The following UBE3B variants were observed in gnomAD, a reference collection of about 807,000 sequenced individuals.
UBE3B encodes ubiquitin-protein ligase E3B.
Under a neutral mutation model 132.3 loss-of-function variants are expected in UBE3B, and 80 were observed. The ratio of observed to expected loss-of-function variants is 0.60; its 90% CI spans 0.50 to 0.73. The LOEUF is 0.73. UBE3B is among the 30% of genes least tolerant of loss of function. The pLI is 0.00. For missense variants in UBE3B, 1,196 were observed against 1,362.5 expected, an observed-to-expected ratio of 0.88 and a Z score of 1.92; for synonymous variants, 487 against 520.4, an observed-to-expected ratio of 0.94 and a Z score of 0.87.
chr12:109,534,004 G>T lies in UBE3B; in HGVS notation c.3015+446G>T. On this transcript the variant is annotated intron_variant, in intron 27 of 27. Transcript: ENST00000342494. The surrounding 1 kb of genome is among the most constrained non-coding windows in gnomAD (Gnocchi z 5.2). ...CCTCATTGGCCAAAGGAGAAGGAAA[G>T]CCTTCAGGGTTACGGAGCTCTGTGT... The T allele has an allele frequency of 1.5e-6, 2 of 1,296,520 alleles. No individual in the cohort carries two copies. Among genetic ancestry groups the T allele is most frequent in the Non-Finnish European group, 2.0e-6 (2 of 994,038 alleles). The allele number at this position is 1,296,520 out of a possible 1,614,324, so 80.3% of individuals were successfully genotyped here. A position where few individuals can be genotyped will look rare whatever the true frequency, so the allele number is the denominator to read the frequency against.
At chr12:109,539,534 C>T (rs1340354963), downstream of UBE3B, among the ~76,000 whole-genome samples, 3 of 152,230 alleles carry the variant, frequency 2.0e-5, no homozygotes, top group African/African-American at 4.8e-5. Flanking sequence ...CCTGCAGTTT[C>T]CTCTTCCATG....
At chr12:109,494,135 A>AT (rs1201918515) in intron 9 of UBE3B, among the ~76,000 whole-genome samples, 1 of 152,170 alleles carries the variant, frequency 6.6e-6, no homozygotes, top group African/African-American at 2.4e-5. Flanking sequence ...GCTTTTCTCC[A>AT]TTTTATAGAT....
chr12:109,509,370 G>C (rs893150292), intron 15 of UBE3B: 9 of 339,080 alleles, frequency 2.7e-5, no homozygotes, highest in Non-Finnish European at 4.3e-5. Flanking sequence ...CCGTCATCTA[G>C]GTTTTAAGCT....
chr12:109,530,582 G>A lies in UBE3B; in HGVS notation c.2846G>A (p.Ser949Asn). Reference sequence around the variant, plus strand: ...GTCTACTACGGTGGTTTCCATGGAAGTCACAGAGTCATCATCTGGCTCTGG... The same window carrying A: ...GTCTACTACGGTGGTTTCCATGGAAATCACAGAGTCATCATCTGGCTCTGG... Reference protein sequence around the residue: ...HTVYYGGFHGSHRVIIWLWDI... With the variant: ...HTVYYGGFHGNHRVIIWLWDI... Residue 949 changes from serine (S) to asparagine (N), a missense_variant, in exon 26 of 28, where the codon AGT (serine) becomes AAT (asparagine). Ser to Asn is a conservative substitution (Grantham distance 46, BLOSUM62 1). Coordinates refer to ENST00000342494, the MANE Select transcript of UBE3B (RefSeq NM_130466.4). 1 of 1,614,210 alleles carries A rather than the reference G, an allele frequency of 6.2e-7. No homozygotes were observed. The highest frequency in any genetic ancestry group is 1.1e-5 in the South Asian group (1 of 91,076).
chr12:109,518,570 T>C (rs868280706), intron 19 of UBE3B, among the ~76,000 whole-genome samples: 1 of 152,152 alleles, frequency 6.6e-6, no homozygotes, highest in African/African-American at 2.4e-5. Flanking sequence ...CTCCCTTGTC[T>C]CTAGAAATCC....
At position 109,477,890 on chromosome 12, in the gene UBE3B, C is replaced by A; in HGVS notation, c.-347C>A. ...GCTCTAGGGCACAGTCCCTGCCTGGCCAGGTCGGAGGAACAAGTGCTGGGA... is the reference window on the plus strand; with the variant it reads ...GCTCTAGGGCACAGTCCCTGCCTGGACAGGTCGGAGGAACAAGTGCTGGGA... On this transcript the variant is annotated 5_prime_UTR_variant, in exon 1 of 28. Coordinates refer to ENST00000342494, the MANE Select transcript of UBE3B (RefSeq NM_130466.4). 1 of 153,806 alleles carries A rather than the reference C, an allele frequency of 6.5e-6. No individual in the cohort carries two copies. Among genetic ancestry groups the A allele is most frequent in the Non-Finnish European group, 1.5e-5 (1 of 68,816 alleles). The allele number at this position is 153,806 out of a possible 1,614,324, so 9.5% of individuals were successfully genotyped here.
Position 109,524,445 on chromosome 12 carries a change from A to T in UBE3B, c.2510A>T (p.Asp837Val). The change falls in exon 23 of 28, where the codon GAT (aspartate) becomes GTT (valine). Residue 837 changes from aspartate to valine, a missense_variant. Transcript: ENST00000342494. ...CCTTCTCTGTTACATTAGCGCTATG[A>T]TGGGGACATCACTGACCTGGGCCTG... ...YKNLTSIKRY[D>V]GDITDLGLTL... 2 of 1,614,180 alleles carry T rather than the reference A, an allele frequency of 1.2e-6. No homozygotes were observed. Among genetic ancestry groups the T allele is most frequent in the Non-Finnish European group, 1.7e-6 (2 of 1,180,020 alleles).
chr12:109,490,058 C>G, intron 8 of UBE3B, 54 bp downstream of exon 8: 1 of 1,548,488 alleles, frequency 6.5e-7, no homozygotes, highest in Non-Finnish European at 8.9e-7. Flanking sequence ...AACACCTGCA[C>G]TTGGATTTTT....
chr12:109,520,283 C>G (rs1881543620), intron 19 of UBE3B: 1 of 152,186 alleles, frequency 6.6e-6, no homozygotes, highest in African/African-American at 2.4e-5. Flanking sequence ...CCTCAGCACC[C>G]CAAGTACTAG....
Position 109,516,469 on chromosome 12 carries a change from G to A in UBE3B, c.1957-296G>A, listed in dbSNP as rs548548564. Among the ~76,000 whole-genome samples, 9 of 152,178 alleles carry A rather than the reference G, an allele frequency of 5.9e-5. No homozygotes were observed. The South Asian group carries it at 1.2e-3, about 21-fold the overall frequency. On this transcript the variant is annotated intron_variant, in intron 18 of 27. Coordinates refer to ENST00000342494, the MANE Select transcript of UBE3B (RefSeq NM_130466.4). The stretch of plus-strand genomic sequence containing the variant: ...TGGGATTACAGGCGTGAGCCCCCAC[G>A]CCCAGCCTTGAGGAGGATTTTCTCG...
chr12:109,522,909 G>A lies in UBE3B; in HGVS notation c.2365-1069G>A, dbSNP rs962976600. Among the ~76,000 whole-genome samples the A allele has an allele frequency of 1.3e-5, 2 of 152,158 alleles. No individual in the cohort carries two copies. Among genetic ancestry groups the A allele is most frequent in the South Asian group, 2.1e-4 (1 of 4,834 alleles). ...TTAAAAATCCCATTAGGACCCACCC[G>A]AGCACATGGCATATGTTTTCCTTTA... On this transcript the variant is annotated intron_variant, in intron 21 of 27. Coordinates refer to ENST00000342494, the MANE Select transcript of UBE3B (RefSeq NM_130466.4). The surrounding 1 kb of genome is among the most constrained non-coding windows in gnomAD (Gnocchi z 4.2).
intron 6 of UBE3B, among the ~76,000 whole-genome samples, chr12:109,488,154 T>G (rs1244779534): frequency 6.6e-6 from 1 of 152,206 alleles, no homozygotes; most frequent in Non-Finnish European, 1.5e-5. Flanking sequence ...ACAGAAAGGT[T>G]AAGAAACTTG....
chr12:109,501,141 C>T (rs1287900151), intron 12 of UBE3B, among the ~76,000 whole-genome samples: 1 of 152,200 alleles, frequency 6.6e-6, no homozygotes, highest in Non-Finnish European at 1.5e-5. Flanking sequence ...ACTCATGGAG[C>T]TTGGGGACCT....
In UBE3B at chr12:109,478,348, A is replaced by G. The variant is rs1351139423; in HGVS notation, c.-128+239A>G. Among the ~76,000 whole-genome samples, 2 of 152,166 alleles carry G rather than the reference A, an allele frequency of 1.3e-5. No homozygotes were observed. The highest frequency in any genetic ancestry group is 2.9e-5 in the Non-Finnish European group (2 of 68,030). ...GCCCTGGATCTTGTTTGTTTTACTT[A>G]GTGATAAATAACTGTTTTGGATATA... On this transcript the variant is annotated intron_variant, in intron 1 of 27. Coordinates refer to ENST00000342494, the MANE Select transcript of UBE3B (RefSeq NM_130466.4).
chr12:109,482,337 C>T (rs1278250803), intron 2 of UBE3B, among the ~76,000 whole-genome samples: 4 of 152,114 alleles, frequency 2.6e-5, no homozygotes, highest in Admixed American at 2.0e-4. Flanking sequence ...GTCCCATCTC[C>T]CACCTTTTGG....
intron 8 of UBE3B, chr12:109,490,835 T>A: frequency 1.6e-6 from 2 of 1,224,264 alleles, no homozygotes; most frequent in Non-Finnish European, 2.2e-6. Flanking sequence ...GTTTTTTTTT[T>A]AAGAGACAGG....
chr12:109,524,266 G>A (rs955863528), intron 22 of UBE3B, 151 bp downstream of exon 22: 64 of 1,376,832 alleles, frequency 4.6e-5, no homozygotes, highest in Non-Finnish European at 6.4e-5. Flanking sequence ...TCCCACTTGG[G>A]GCTGATCCTC....
chr12:109,531,897 G>A (rs1351925933), intron 26 of UBE3B, among the ~76,000 whole-genome samples: 1 of 152,054 alleles, frequency 6.6e-6, no homozygotes, highest in Non-Finnish European at 1.5e-5. Flanking sequence ...AGGTGTGTTT[G>A]TGCCTTTGGA....
intron 18 of UBE3B, 111 bp from the exon 19 acceptor site, chr12:109,516,654 C>T: frequency 1.3e-6 from 2 of 1,513,092 alleles, no homozygotes; most frequent in Non-Finnish European, 1.8e-6. Flanking sequence ...TAAGGCATCC[C>T]ATTCTGCTTG....
Sources: allele counts gnomAD v4.1 joint callset (sites outside exome capture counted in the v4.1 genomes callset), GRCh38; gene constraint gnomAD v4.1.1; non-coding constraint Gnocchi (gnomAD v3.1); transcripts MANE v1.5; gene names NCBI Gene and HGNC (gene_info 2026-07-23, HGNC 2026-07-21).